The following RNF180 variants were observed in gnomAD, a reference collection of about 807,000 sequenced individuals.
RNF180 encodes ring finger protein 180.
In RNF180, 38 loss-of-function variants were observed where a neutral mutation model predicts 59.2. The ratio of observed to expected loss-of-function variants is 0.64; its 90% CI spans 0.50 to 0.84. The LOEUF (loss-of-function observed/expected upper bound fraction) is 0.84. Among genes scored for constraint, RNF180 ranks in the 40% least tolerant of loss-of-function variants. The pLI, the probability that RNF180 is intolerant of heterozygous loss-of-function variation, is 0.00. For missense variants in RNF180, 705 were observed against 700.9 expected (o/e 1.01, Z -0.07); for synonymous variants, 262 against 240.3 (o/e 1.09, Z -0.84).
intron 6 of RNF180, among the ~76,000 whole-genome samples, chr5:64,327,531 A>T (rs1744702261): frequency 6.6e-6 from 1 of 151,968 alleles, no homozygotes; most frequent in South Asian, 2.1e-4. Context: ...TTCTTTCTTC[A>T]TACATTTGTC....
rs180888740 is a variant in RNF180, at chr5:64,262,847, G to A, written c.1227+45451G>A. Among the ~76,000 whole-genome samples the A allele has an allele frequency of 1.2e-4, 18 of 152,076 alleles. No individual in the cohort carries two copies. The East Asian group carries it at 2.5e-3, about 21-fold the overall frequency. ...TTATTTTCCCTCTAACCTTCCCTAC[G>A]TTCTCCAAAGGAATATTTGTGGTAT... is the stretch of plus-strand genomic sequence containing the variant. On this transcript the variant is annotated intron_variant, in intron 5 of 7. Transcript: ENST00000389100.
chr5:64,185,505 T>A (rs1177260564), intron 1 of RNF180, among the ~76,000 whole-genome samples: 8 of 152,166 alleles, frequency 5.3e-5, no homozygotes, highest in Admixed American at 5.2e-4. Context: ...AGTATGTAAA[T>A]CATAATTTAG....
Position 64,228,744 on chromosome 5 carries a change from C to G in RNF180, c.1227+11348C>G, listed in dbSNP as rs552851903. Among the ~76,000 whole-genome samples the G allele has an allele frequency of 2.3e-3, 348 of 152,018 alleles. 2 individuals are homozygous for G. The highest frequency in any genetic ancestry group is 7.7e-3 in the African/African-American group (321 of 41,460). ...TTTTATTCATTTCTTGGTGCAGAAG[C>G]TTAGATCACTCACCTTTGTTCTCCT... is the stretch of plus-strand genomic sequence containing the variant. On this transcript the variant is annotated intron_variant, in intron 5 of 7. Coordinates refer to ENST00000389100, the MANE Select transcript of RNF180 (RefSeq NM_001113561.2).
At chr5:64,180,650 A>G (rs574253073) in intron 1 of RNF180, among the ~76,000 whole-genome samples, 1 of 152,322 alleles carries the variant, frequency 6.6e-6, no homozygotes, top group East Asian at 1.9e-4. Context: ...TAGCACCTGC[A>G]TACCCCACCC....
chr5:64,302,239 G>A (rs1743195404), intron 5 of RNF180, among the ~76,000 whole-genome samples: 1 of 151,592 alleles, frequency 6.6e-6, no homozygotes, highest in Non-Finnish European at 1.5e-5. Context: ...GGGAAAATTG[G>A]AAGCACACAA....
At chr5:64,167,851 A>G (rs953714810) in intron 1 of RNF180, among the ~76,000 whole-genome samples, 2 of 152,212 alleles carry the variant, frequency 1.3e-5, no homozygotes, top group African/African-American at 4.8e-5. Context: ...GCCATCTGAA[A>G]AAAGAATGGT....
At chr5:64,194,366 G>A (rs1751344172) in intron 1 of RNF180, among the ~76,000 whole-genome samples, 1 of 152,136 alleles carries the variant, frequency 6.6e-6, no homozygotes, top group Non-Finnish European at 1.5e-5. Flanking sequence ...AGTATTCCAT[G>A]GTGTATATGG....
At chr5:64,166,227 C>T (rs1749628705) in intron 1 of RNF180, 1 of 152,430 alleles carries the variant, frequency 6.6e-6, no homozygotes, top group African/African-American at 2.4e-5. Context: ...TACACAGGGT[C>T]GAAAAAGCTG....
At position 64,360,115 on chromosome 5, in the gene RNF180, C is replaced by G. The variant is rs187955537; in HGVS notation, c.1580-9500C>G. Among the ~76,000 whole-genome samples the G allele has an allele frequency of 1.4e-4, 21 of 151,980 alleles. No homozygotes were observed. The East Asian group carries it at 3.9e-3, about 28-fold the overall frequency. On this transcript the variant is annotated intron_variant, in intron 7 of 7. Coordinates refer to ENST00000389100, the MANE Select transcript of RNF180 (RefSeq NM_001113561.2). ...TTGGCTTAGGATTGACTTGGTTATG[C>G]GGGCTCTTTTTTGGTTCCATATGAA... is the stretch of plus-strand genomic sequence containing the variant.
intron 1 of RNF180, among the ~76,000 whole-genome samples, chr5:64,173,771 A>G (rs1750075837): frequency 6.7e-6 from 1 of 149,258 alleles, no homozygotes; most frequent in South Asian, 2.1e-4. Flanking sequence ...GCTTGAGTGC[A>G]ATGGCATGAT....
chr5:64,267,829 A>C (rs1015764162), intron 5 of RNF180, among the ~76,000 whole-genome samples: 2 of 152,138 alleles, frequency 1.3e-5, no homozygotes, highest in Admixed American at 6.6e-5. Context: ...TGATTAGTGT[A>C]AGTAATATTG....
At chr5:64,240,273 C>T (rs1476732334) in intron 5 of RNF180, among the ~76,000 whole-genome samples, 1 of 152,112 alleles carries the variant, frequency 6.6e-6, no homozygotes, top group Non-Finnish European at 1.5e-5. Flanking sequence ...ACTCAAAATG[C>T]AGATCAGTAT....
intron 5 of RNF180, among the ~76,000 whole-genome samples, chr5:64,279,719 T>C (rs572195445): frequency 6.6e-6 from 1 of 152,218 alleles, no homozygotes; most frequent in African/African-American, 2.4e-5. Context: ...TTTAGAGTTA[T>C]CTTTAATCCT....
chr5:64,198,539 A>G (rs1248682353), intron 1 of RNF180, among the ~76,000 whole-genome samples: 1 of 152,128 alleles, frequency 6.6e-6, no homozygotes, highest in Non-Finnish European at 1.5e-5. Context: ...TTCCTACTAC[A>G]TAGTTGTACC....
At chr5:64,207,714 C>A (rs528450086) in intron 2 of RNF180, among the ~76,000 whole-genome samples, 3 of 152,028 alleles carry the variant, frequency 2.0e-5, no homozygotes, top group Admixed American at 6.6e-5. Flanking sequence ...TTCATTGTGA[C>A]CTTTTGATTA....
intron 7 of RNF180, among the ~76,000 whole-genome samples, chr5:64,338,129 C>G (rs949791766): frequency 1.3e-5 from 2 of 152,132 alleles, no homozygotes; most frequent in African/African-American, 4.8e-5. Context: ...ATGTTGTTAT[C>G]ATATTTAACA....
At chr5:64,304,124 T>C (rs1369303403) in intron 5 of RNF180, among the ~76,000 whole-genome samples, 1 of 150,704 alleles carries the variant, frequency 6.6e-6, no homozygotes, top group African/African-American at 2.4e-5. Flanking sequence ...ACTATTGAGA[T>C]CTCCTTCCCA....
intron 5 of RNF180, among the ~76,000 whole-genome samples, chr5:64,230,067 C>T (rs1211816422): frequency 6.6e-6 from 1 of 152,130 alleles, no homozygotes; most frequent in Non-Finnish European, 1.5e-5. Context: ...CTCCTTTTAT[C>T]TCTAGCCACA....
chr5:64,352,665 T>G (rs573276959), intron 7 of RNF180, among the ~76,000 whole-genome samples: 1 of 152,156 alleles, frequency 6.6e-6, no homozygotes, highest in African/African-American at 2.4e-5. Context: ...GATTTTAAAG[T>G]AAGATATATT....
Sources: allele counts gnomAD v4.1 joint callset (sites outside exome capture counted in the v4.1 genomes callset), GRCh38; gene constraint gnomAD v4.1.1; transcripts MANE v1.5; gene names NCBI Gene and HGNC (gene_info 2026-07-23, HGNC 2026-07-21).